SNTB1: variants seen among roughly 807,000 people sequenced by gnomAD.
SNTB1 encodes syntrophin beta 1.
Under a neutral mutation model 48.9 loss-of-function variants are expected in SNTB1, and 36 were observed. That is an observed-to-expected ratio of 0.74 (90% CI 0.56 to 0.97). SNTB1 has a LOEUF of 0.97. Ranked by LOEUF, SNTB1 falls within the 50% of genes least tolerant of loss-of-function variation. SNTB1 has a pLI of 0.00. For missense variants in SNTB1, 786 were observed against 703.4 expected, an observed-to-expected ratio of 1.12 and a Z score of -1.33; for synonymous variants, 299 against 294.6, an observed-to-expected ratio of 1.01 and a Z score of -0.15.
chr8:120,717,684 A>G (rs979337303), intron 1 of SNTB1, among the ~76,000 whole-genome samples: 1 of 151,942 alleles, frequency 6.6e-6, no homozygotes, highest in African/African-American at 2.4e-5. Flanking sequence ...CAGATGGGAA[A>G]TGGCCAAGAA....
intron 3 of SNTB1, among the ~76,000 whole-genome samples, chr8:120,625,692 C>T (rs1816862491): frequency 6.6e-6 from 1 of 152,194 alleles, no homozygotes; most frequent in South Asian, 2.1e-4. Flanking sequence ...AGAGGTGATT[C>T]ACTCAGGAAC....
intron 1 of SNTB1, among the ~76,000 whole-genome samples, chr8:120,726,851 T>G (rs1392889764): frequency 2.6e-5 from 4 of 152,202 alleles, no homozygotes; most frequent in Admixed American, 2.6e-4. Flanking sequence ...GAAACTGGAA[T>G]GCTGACAAGA....
intron 1 of SNTB1, among the ~76,000 whole-genome samples, chr8:120,720,506 T>C (rs1457980311): frequency 6.6e-6 from 1 of 152,198 alleles, no homozygotes; most frequent in African/African-American, 2.4e-5. Context: ...CTATTGAACA[T>C]TCAATTACTG....
intron 1 of SNTB1, among the ~76,000 whole-genome samples, chr8:120,793,474 G>A (rs181583886): frequency 3.3e-5 from 5 of 152,170 alleles, no homozygotes; most frequent in Non-Finnish European, 4.4e-5. Flanking sequence ...AAAGCAAGTT[G>A]AGATGTAAGA....
chr8:120,699,242 G>A (rs753762252), intron 1 of SNTB1, among the ~76,000 whole-genome samples: 2 of 152,160 alleles, frequency 1.3e-5, no homozygotes, highest in Admixed American at 1.3e-4. Flanking sequence ...ATATTGACAC[G>A]CTATTTCTGC....
At chr8:120,791,345 C>A (rs1334870536) in intron 1 of SNTB1, among the ~76,000 whole-genome samples, 2 of 151,928 alleles carry the variant, frequency 1.3e-5, no homozygotes, top group Non-Finnish European at 2.9e-5. Flanking sequence ...CATAATAATT[C>A]TAGAAGGAAA....
At chr8:120,701,005 G>C (rs1243128956) in intron 1 of SNTB1, among the ~76,000 whole-genome samples, 1 of 152,200 alleles carries the variant, frequency 6.6e-6, no homozygotes, top group Non-Finnish European at 1.5e-5. Flanking sequence ...TGATTAAGGA[G>C]AAAGGGGATT....
At chr8:120,723,927 T>C (rs889921127) in intron 1 of SNTB1, among the ~76,000 whole-genome samples, 1 of 152,168 alleles carries the variant, frequency 6.6e-6, no homozygotes, top group South Asian at 2.1e-4. Context: ...TTTGAACAGA[T>C]GAATTATACT....
intron 1 of SNTB1, among the ~76,000 whole-genome samples, chr8:120,728,106 AC>A (rs1248565819): frequency 6.6e-6 from 1 of 151,604 alleles, no homozygotes; most frequent in Non-Finnish European, 1.5e-5. Context: ...GCTCACTGCA[AC>A]CTCCACCTCC....
chr8:120,583,239 G>A (rs993886544), intron 3 of SNTB1, among the ~76,000 whole-genome samples: 4 of 152,130 alleles, frequency 2.6e-5, no homozygotes, highest in East Asian at 3.8e-4. Context: ...GGTTGCTCAC[G>A]CCTGTAATCC....
intron 5 of SNTB1, among the ~76,000 whole-genome samples, chr8:120,546,668 C>A (rs988827942): frequency 4.6e-5 from 7 of 152,102 alleles, no homozygotes; most frequent in African/African-American, 1.4e-4. Flanking sequence ...CGGGGTTTCA[C>A]CATGTTGGCC....
intron 2 of SNTB1, among the ~76,000 whole-genome samples, chr8:120,638,915 T>C (rs963205548): frequency 1.3e-5 from 2 of 152,238 alleles, no homozygotes; most frequent in Non-Finnish European, 2.9e-5. Flanking sequence ...TTTGGGTATA[T>C]ACCCAGTAAT....
At chr8:120,752,987 GAAAAAAAAAAA>G (rs60198716) in intron 1 of SNTB1, among the ~76,000 whole-genome samples, 5 of 76,576 alleles carry the variant, frequency 6.5e-5, no homozygotes, top group Admixed American at 1.2e-4. Flanking sequence ...AAAGCTGGAA[GAAAAAAAAAAA>G]AAAAAAAAAA....
Position 120,792,779 on chromosome 8 carries a change from C to T in SNTB1, c.571+18494G>A, listed in dbSNP as rs552769211. On this transcript the variant is annotated intron_variant, in intron 1 of 6. Coordinates refer to ENST00000517992, the MANE Select transcript of SNTB1 (RefSeq NM_021021.4). ...GTAGCTGGTTGTACAGGATGTTGTA[C>T]ACTACCTGATTCACATAAGAAGTCC... Among the ~76,000 whole-genome samples the T allele has an allele frequency of 5.3e-5, 8 of 152,000 alleles. No homozygotes were observed. The East Asian group carries it at 7.7e-4, about 15-fold the overall frequency.
chr8:120,705,893 G>C (rs556735803), intron 1 of SNTB1, among the ~76,000 whole-genome samples: 6 of 152,222 alleles, frequency 3.9e-5, no homozygotes, highest in Admixed American at 3.9e-4. Context: ...TCCTTAGATA[G>C]GCAATACAAT....
At chr8:120,712,270 C>A (rs909123283) in intron 1 of SNTB1, among the ~76,000 whole-genome samples, 1 of 151,838 alleles carries the variant, frequency 6.6e-6, no homozygotes, top group Non-Finnish European at 1.5e-5. Flanking sequence ...AAAAAATTAG[C>A]CAGGCGTGGT....
chr8:120,654,172 A>C (rs367950508), intron 2 of SNTB1, among the ~76,000 whole-genome samples: 5 of 151,794 alleles, frequency 3.3e-5, no homozygotes, highest in East Asian at 3.9e-4. Flanking sequence ...TACATAAAGC[A>C]TGCTGGCCCA....
At chr8:120,586,894 A>T (rs1179405002) in intron 3 of SNTB1, among the ~76,000 whole-genome samples, 1 of 152,162 alleles carries the variant, frequency 6.6e-6, no homozygotes, top group Non-Finnish European at 1.5e-5. Context: ...GAGGTTCATT[A>T]TTGTTTTTTA....
chr8:120,719,575 T>C (rs77918614), intron 1 of SNTB1, among the ~76,000 whole-genome samples: 1 of 152,214 alleles, frequency 6.6e-6, no homozygotes, highest in Admixed American at 6.5e-5. Flanking sequence ...ATCCTTGCCA[T>C]CCATCATTGC....
Sources: gnomAD v4.1 joint callset for allele counts (sites outside exome capture counted in the v4.1 genomes callset) on GRCh38, gnomAD v4.1.1 for gene constraint, MANE v1.5 for transcripts, NCBI Gene and HGNC (gene_info 2026-07-23, HGNC 2026-07-21) for gene names.